Variants in CDK13 observed in about 807,000 individuals in gnomAD.
CDK13 encodes cyclin dependent kinase 13.
CDK13 carries 40 observed loss-of-function variants against 137.6 expected under a neutral mutation model. The ratio of observed to expected loss-of-function variants is 0.29; its 90% confidence interval spans 0.23 to 0.38. CDK13 has a LOEUF of 0.38. Among genes scored for constraint, CDK13 ranks in the 10% least tolerant of loss-of-function variants. CDK13 has a pLI of 1.00. For missense variants in CDK13, 1,704 were observed against 1,951.8 expected (o/e 0.87, Z 2.39); for synonymous variants, 869 against 760.1 (o/e 1.14, Z -2.36).
intron 9 of CDK13, among the ~76,000 whole-genome samples, chr7:40,063,840 C>G (rs1166392183): frequency 6.6e-6 from 1 of 151,668 alleles, no homozygotes; most frequent in African/African-American, 2.4e-5. Context: ...GTATTTGTAG[C>G]AGAGACGGGG....
Position 39,987,848 on chromosome 7 carries a change from A to G in CDK13, c.1461A>G (p.Ala487=), listed in dbSNP as rs1784372354. The change falls in exon 2 of 14, where the codon GCA becomes GCG. Residue 487 remains alanine, a synonymous_variant. Transcript: ENST00000181839. ...CTGCTGAGGCTGCTGCCAAGGCTGC[A>G]AAAGCTTCAAACACTTCTACACCTA... is the stretch of plus-strand genomic sequence containing the variant. ...TKAAEAAAKA[A]KASNTSTPTK... 8 of 1,614,206 alleles carry G rather than the reference A, an allele frequency of 5.0e-6. No individual in the cohort carries two copies. The East Asian group carries it at 8.9e-5, about 18-fold the overall frequency.
rs765670266 is a variant in CDK13 at position 39,987,888 on chromosome 7, G to C, written c.1501G>C (p.Glu501Gln). 6 of 1,614,234 alleles carry C rather than the reference G, an allele frequency of 3.7e-6. No individual in the cohort carries two copies. The highest frequency in any genetic ancestry group is 5.1e-6 in the Non-Finnish European group (6 of 1,180,044). Residue 501 changes from glutamate to glutamine, a missense_variant, in exon 2 of 14, where the codon GAA (glutamate) becomes CAA (glutamine). Glu to Gln is a conservative substitution (Grantham distance 29). This residue lies in a region of CDK13 where 1,051 missense variants were observed against 931.0 expected (regional missense o/e 1.13). Coordinates refer to ENST00000181839, the MANE Select transcript of CDK13 (RefSeq NM_003718.5). ...TTCTACACCTACCAAGGGGAACACG[G>C]AAACTAGTGCCAGTGCATCACAAAC... is the stretch of plus-strand genomic sequence containing the variant. The part of the protein sequence containing the change: ...NTSTPTKGNT[E>Q]TSASASQTNH...
chr7:39,950,353 G>C lies in CDK13; in HGVS notation c.-289G>C. On this transcript the variant is annotated 5_prime_UTR_variant, in exon 1 of 14. Transcript: ENST00000181839. ...ACTCGGGACTCCCCCGCAGGTCAGC[G>C]CCCGGCGCATCTGGTGTTTTCGCTG... is the stretch of plus-strand genomic sequence containing the variant. The C allele has an allele frequency of 8.5e-7, 1 of 1,182,692 alleles. No homozygotes were observed. The highest frequency in any genetic ancestry group is 1.0e-6 in the Non-Finnish European group (1 of 956,964). 73.3% of individuals were successfully genotyped at this position (1,182,692 alleles called of 1,614,324 possible). A position where few individuals can be genotyped will look rare whatever the true frequency, so the allele number is the denominator to read the frequency against.
intron 1 of CDK13, among the ~76,000 whole-genome samples, chr7:39,962,630 A>G (rs1434382974): frequency 6.6e-6 from 1 of 152,196 alleles, no homozygotes; most frequent in Non-Finnish European, 1.5e-5. Flanking sequence ...GAAGCTGTTT[A>G]GTTTAATTAG....
chr7:40,073,902 C>CT (rs75410283), intron 9 of CDK13, among the ~76,000 whole-genome samples: 1,740 of 129,596 alleles, frequency 0.013, 17 homozygotes, highest in African/African-American at 0.025. Flanking sequence ...TCTTTTTTTC[C>CT]TTTTTTTTTT....
chr7:39,963,007 T>C (rs1030549471), intron 1 of CDK13, among the ~76,000 whole-genome samples: 20 of 152,364 alleles, frequency 1.3e-4, no homozygotes, highest in African/African-American at 3.6e-4. Context: ...ACCAGTACCA[T>C]GCTGTTTTCG....
chr7:40,083,705 T>C (rs1221385157), intron 11 of CDK13, among the ~76,000 whole-genome samples: 6 of 152,152 alleles, frequency 3.9e-5, no homozygotes, highest in Non-Finnish European at 8.8e-5. Flanking sequence ...TGACTGCATT[T>C]TTTCATTAAA....
At chr7:39,968,768 T>G (rs915372942) in intron 1 of CDK13, among the ~76,000 whole-genome samples, 8 of 152,208 alleles carry the variant, frequency 5.3e-5, no homozygotes, top group African/African-American at 1.7e-4. Flanking sequence ...TTGCTCAGGA[T>G]TGCTTTGGCC....
chr7:40,037,557 C>G (rs7809041), intron 5 of CDK13, among the ~76,000 whole-genome samples: 6,066 of 152,280 alleles, frequency 0.04, 359 homozygotes, highest in African/African-American at 0.13. Context: ...ATCATTCACT[C>G]TCCAATATTC....
chr7:40,081,541 AAAGT>A (rs1358295232), intron 11 of CDK13, among the ~76,000 whole-genome samples: 2 of 152,226 alleles, frequency 1.3e-5, no homozygotes, highest in East Asian at 3.8e-4. Context: ...TTTATGCTAG[AAAGT>A]ATTTTATTGA....
chr7:40,084,066 C>T (rs191924905), intron 11 of CDK13, among the ~76,000 whole-genome samples: 18 of 152,254 alleles, frequency 1.2e-4, no homozygotes, highest in South Asian at 8.3e-4. Flanking sequence ...AGGCTGGGCA[C>T]GGTGGCAGTG....
chr7:40,092,690 A>G (rs1229442259), intron 12 of CDK13, 95 bp from the exon 13 acceptor site: 1 of 797,160 alleles, frequency 1.3e-6, no homozygotes, highest in Non-Finnish European at 2.0e-6. Flanking sequence ...TCCCTCAAAT[A>G]TATATTTTCA....
chr7:40,025,714 AT>A (rs1785229249), intron 5 of CDK13, among the ~76,000 whole-genome samples: 1 of 152,218 alleles, frequency 6.6e-6, no homozygotes, highest in Non-Finnish European at 1.5e-5. Flanking sequence ...CATGTGTGAA[AT>A]TTTATTTTGG....
At position 40,039,523 on chromosome 7, in the gene CDK13, C is replaced by G. The variant is rs1212334671; in HGVS notation, c.2354-6313C>G. On this transcript the variant is annotated intron_variant, in intron 5 of 13. Coordinates refer to ENST00000181839, the MANE Select transcript of CDK13 (RefSeq NM_003718.5). ...CTCAGCTCACTGCAACCTCCACTTC[C>G]TGCATTCAAGTGATTCTCATGCCTC... 2.7e-5 allele frequency among the ~76,000 whole-genome samples: 4 copies of G among 150,864 alleles called. No individual in the cohort carries two copies. The Admixed American group carries it at 2.7e-4, about 10-fold the overall frequency.
chr7:39,997,026 A>G (rs1784578349), intron 2 of CDK13, among the ~76,000 whole-genome samples: 1 of 151,068 alleles, frequency 6.6e-6, no homozygotes, highest in African/African-American at 2.4e-5. Context: ...TATGCAAAGC[A>G]TGTTTAGTTG....
chr7:40,029,620 T>TGAGA lies in CDK13; in HGVS notation c.2354-16197_2354-16194dup, dbSNP rs371626943. ...CTGTAGTTTCAGTTTCTCGGGAGGC[T>TGAGA]GAGAGAGAGAGAGAGAGAGAGAAAA... On this transcript the variant is annotated intron_variant, in intron 5 of 13. Coordinates refer to ENST00000181839, the MANE Select transcript of CDK13 (RefSeq NM_003718.5). Among the ~76,000 whole-genome samples the TGAGA allele has an allele frequency of 4.1e-4, 60 of 145,930 alleles. 1 individual carries two copies. Among genetic ancestry groups the TGAGA allele is most frequent in the East Asian group, 1.0e-3 (5 of 5,002 alleles).
chr7:40,009,838 A>G (rs10279016), intron 5 of CDK13, among the ~76,000 whole-genome samples: 40,681 of 152,210 alleles, frequency 0.27, 6,572 homozygotes, highest in Middle Eastern at 0.45. Context: ...ACCTGTATTC[A>G]GCATTGTACT....
At chr7:39,984,365 A>G (rs1204404520) in intron 1 of CDK13, 1 of 151,666 alleles carries the variant, frequency 6.6e-6, no homozygotes, top group Non-Finnish European at 1.5e-5. Context: ...AGCTGTGGGT[A>G]GTATCTCTGC....
At chr7:39,979,303 G>C (rs925731324) in intron 1 of CDK13, among the ~76,000 whole-genome samples, 1 of 144,688 alleles carries the variant, frequency 6.9e-6, no homozygotes, top group Non-Finnish European at 1.5e-5. Flanking sequence ...CGCAACCTCC[G>C]CCTCCCAGGT....
Sources: gnomAD v4.1 joint callset for allele counts (sites outside exome capture counted in the v4.1 genomes callset) on GRCh38, gnomAD v4.1.1 for gene constraint, gnomAD v4.1.1 regional missense constraint, MANE v1.5 for transcripts, NCBI Gene and HGNC (gene_info 2026-07-23, HGNC 2026-07-21) for gene names.